BGN: variants seen among roughly 807,000 people sequenced by gnomAD.
BGN encodes bone/cartilage proteoglycan-I.
BGN carries 6 observed loss-of-function variants against 20.0 expected under a neutral mutation model. That is an observed-to-expected ratio of 0.30 (90% CI 0.16 to 0.59). BGN has a LOEUF of 0.59. Ranked by LOEUF, BGN falls within the 20% of genes least tolerant of loss-of-function variation. BGN has a pLI of 0.88. For missense variants in BGN, 292 were observed against 312.1 expected (o/e 0.94, Z 0.49); for synonymous variants, 146 against 134.6 (o/e 1.08, Z -0.59).
chrX:153,496,440 T>G (rs782751693), intron 1 of BGN, among the ~76,000 whole-genome samples: 2 of 112,830 alleles, frequency 1.8e-5, no homozygotes, highest in African/African-American at 6.4e-5. Context: ...AGCATGCCCA[T>G]GTATGGCCAC....
intron 1 of BGN, among the ~76,000 whole-genome samples, chrX:153,497,741 G>T (rs1401594490): frequency 9.0e-6 from 1 of 110,765 alleles, no homozygotes; most frequent in African/African-American, 3.3e-5. Context: ...GAGGGGTGGG[G>T]CCTGTGCTTC....
At position 153,506,620 on chromosome X, in the gene BGN, G is replaced by A. The variant is rs2089802408; in HGVS notation, c.657G>A (p.Lys219=). ...ACTACCTGCGCATCTCAGAGGCCAAGCTGACTGGCATCCCCAAAGGTAGGA... is the reference window on the plus strand; with the variant it reads ...ACTACCTGCGCATCTCAGAGGCCAAACTGACTGGCATCCCCAAAGGTAGGA... ...KLNYLRISEA[K]LTGIPKDLPE... is the part of the protein sequence containing the mutation. Residue 219 remains lysine (K), a synonymous_variant, in exon 5 of 8, where the codon AAG becomes AAA. Transcript: ENST00000331595. The A allele has an allele frequency of 8.3e-7, 1 of 1,209,396 alleles. No homozygotes were observed. The highest frequency in any genetic ancestry group is 2.2e-5 in the Admixed American group (1 of 45,771).
intron 1 of BGN, chrX:153,495,343 C>A: frequency 8.8e-6 from 1 of 114,061 alleles, no homozygotes. Flanking sequence ...GCACCTTTCC[C>A]TCACCCCTTC....
chrX:153,499,833 C>G (rs2089744233), intron 1 of BGN, among the ~76,000 whole-genome samples: 1 of 113,001 alleles, frequency 8.8e-6, no homozygotes, highest in Admixed American at 9.2e-5. Flanking sequence ...GCACAAGCAC[C>G]AGGCTGCTGG....
intron 2 of BGN, 121 bp from the exon 3 acceptor site, chrX:153,505,117 G>A: frequency 1.6e-6 from 1 of 622,258 alleles, no homozygotes; most frequent in East Asian, 3.3e-5. Context: ...TAGTCGGCTG[G>A]ATGGCTCCAA....
intron 2 of BGN, among the ~76,000 whole-genome samples, 182 bp downstream of exon 2, chrX:153,505,051 C>T (rs1251780517): frequency 2.7e-5 from 3 of 111,702 alleles, no homozygotes; most frequent in Non-Finnish European, 3.8e-5. Context: ...GTGGCATCCC[C>T]GTGTGCCCGT....
chrX:153,505,483 C>T (rs2089793476), intron 3 of BGN, 133 bp downstream of exon 3: 3 of 551,775 alleles, frequency 5.4e-6, no homozygotes, highest in South Asian at 3.3e-5. Flanking sequence ...TGGAGCCAGC[C>T]GTGATGGGAG....
At chrX:153,497,756 C>T (rs1157044768) in intron 1 of BGN, among the ~76,000 whole-genome samples, 2 of 111,286 alleles carry the variant, frequency 1.8e-5, no homozygotes, top group African/African-American at 6.5e-5. Context: ...TGCTTCATTC[C>T]TCCTTCCCCA....
chrX:153,497,303 G>A (rs909875855), intron 1 of BGN, among the ~76,000 whole-genome samples: 120 of 108,649 alleles, frequency 1.1e-3, no homozygotes, highest in African/African-American at 3.4e-3. Flanking sequence ...TGCTCACACC[G>A]AGGGGCTGGG....
At chrX:153,499,560 A>G (rs2980046) in intron 1 of BGN, among the ~76,000 whole-genome samples, 30,297 of 112,648 alleles carry the variant, frequency 0.27, 3,601 homozygotes, top group East Asian at 0.85. Flanking sequence ...CAGACGCCCA[A>G]GCGTGGCTGC....
chrX:153,508,223 C>T (rs782683402), intron 7 of BGN, 25 bp from the exon 8 acceptor site: 4 of 1,203,942 alleles, frequency 3.3e-6, no homozygotes, highest in African/African-American at 3.5e-5. Flanking sequence ...GGAGGCCTGC[C>T]GTGACCCGGC....
chrX:153,505,295 A>G lies in BGN; in HGVS notation c.296A>G (p.Asn99Ser). ...SPDTTLLDLQ[N>S]NDISELRKDD... ...GACACCACGCTGCTGGACCTGCAGA[A>G]CAACGACATCTCCGAGCTCCGCAAG... The change falls in exon 3 of 8, where the codon AAC becomes AGC. Residue 99 changes from asparagine (N) to serine (S), a missense_variant. Transcript: ENST00000331595. The G allele has an allele frequency of 8.3e-7, 1 of 1,210,857 alleles. No homozygotes were observed. The highest frequency in any genetic ancestry group is 1.1e-6 in the Non-Finnish European group (1 of 894,776).
chrX:153,495,784 T>G (rs1265923876), intron 1 of BGN, among the ~76,000 whole-genome samples: 2 of 113,246 alleles, frequency 1.8e-5, no homozygotes, highest in African/African-American at 6.4e-5. Flanking sequence ...CTGTGAGAAG[T>G]CTGGGTCCTG....
intron 7 of BGN, among the ~76,000 whole-genome samples, chrX:153,507,551 G>A (rs1213004908): frequency 8.8e-6 from 1 of 113,006 alleles, no homozygotes; most frequent in African/African-American, 3.2e-5. Flanking sequence ...GGTCTTGCCT[G>A]GGATTCTATC....
At position 153,508,518 on chromosome X, in the gene BGN, C is replaced by A; in HGVS notation, c.*73C>A. 9.0e-7 allele frequency: 1 copy of A among 1,116,203 alleles called. No individual in the cohort carries two copies. Among genetic ancestry groups the A allele is most frequent in the East Asian group, 3.1e-5 (1 of 32,340 alleles). 92.0% of individuals were successfully genotyped at this position (1,116,203 alleles called of 1,213,427 possible). A position where few individuals can be genotyped will look rare whatever the true frequency, so the allele number is the denominator to read the frequency against. On this transcript the variant is annotated 3_prime_UTR_variant, in exon 8 of 8. Coordinates refer to ENST00000331595, the MANE Select transcript of BGN (RefSeq NM_001711.6). Reference sequence around the variant, plus strand: ...ACAGCCAGACATCCTGATGGGGAGGCAGAGCCAGGAAGCTAAGCCAGGGCC... The same window carrying A: ...ACAGCCAGACATCCTGATGGGGAGGAAGAGCCAGGAAGCTAAGCCAGGGCC...
In BGN at chrX:153,508,230, C is replaced by T. The variant is rs55934508; in HGVS notation, c.910-18C>T. Reference sequence around the variant, plus strand: ...GGAGGGAGGGAGGCCTGCCGTGACCCGGCCTCTCTGCCTTCAGGTGGTCTA... The same window carrying T: ...GGAGGGAGGGAGGCCTGCCGTGACCTGGCCTCTCTGCCTTCAGGTGGTCTA... On this transcript the variant is annotated intron_variant, in intron 7 of 7. Transcript: ENST00000331595. 0.017 allele frequency: 20,048 copies of T among 1,206,886 alleles called. 206 individuals are homozygous for T. Among genetic ancestry groups the T allele is most frequent in the East Asian group, 0.082 (2,780 of 33,706 alleles).
At chrX:153,498,322 G>T (rs782265886) in intron 1 of BGN, among the ~76,000 whole-genome samples, 1 of 112,699 alleles carries the variant, frequency 8.9e-6, no homozygotes, top group African/African-American at 3.2e-5. Flanking sequence ...GGAGCATGGC[G>T]GGCAGACTCC....
chrX:153,506,404 A>G (rs1390530436), intron 4 of BGN, 125 bp from the exon 5 acceptor site: 9 of 622,279 alleles, frequency 1.4e-5, no homozygotes, highest in Non-Finnish European at 2.3e-5. Context: ...AAATTAGCAG[A>G]ACTGCTTTCA....
rs2089804261 is a variant in BGN at position 153,506,835 on chromosome X, C to T, written c.682C>T (p.Pro228Ser). The stretch of plus-strand genomic sequence containing the variant: ...GTGCCCTCTTCTCCTGGCAGACCTC[C>T]CTGAGACCCTGAATGAACTCCACCT... ...AKLTGIPKDLPETLNELHLDH... is the reference protein window; with the variant it reads ...AKLTGIPKDLSETLNELHLDH... The change falls in exon 6 of 8, where the codon CCT (proline) becomes TCT (serine). Residue 228 changes from proline (P) to serine (S), a missense_variant. Transcript: ENST00000331595. 1 of 1,211,089 alleles carries T rather than the reference C, an allele frequency of 8.3e-7. No homozygotes were observed. The highest frequency in any genetic ancestry group is 1.1e-6 in the Non-Finnish European group (1 of 894,952).
Sources: allele counts gnomAD v4.1 joint callset (sites outside exome capture counted in the v4.1 genomes callset), GRCh38; gene constraint gnomAD v4.1.1; transcripts MANE v1.5; gene names NCBI Gene and HGNC (gene_info 2026-07-23, HGNC 2026-07-21).